The following BACE2 variants were observed in gnomAD, a reference collection of about 807,000 sequenced individuals.
BACE2 encodes the protein 56 kDa aspartic-like protease.
In BACE2, 17 loss-of-function variants were observed where a neutral mutation model predicts 46.2. The observed-to-expected ratio is 0.37, with a 90% CI of 0.25 to 0.55. BACE2 has a LOEUF of 0.55. Among genes scored for constraint, BACE2 ranks in the 20% least tolerant of loss-of-function variants. BACE2 has a pLI of 0.82. For missense variants in BACE2, 595 were observed against 698.1 expected (o/e 0.85, Z 1.66); for synonymous variants, 277 against 295.9 (o/e 0.94, Z 0.66).
chr21:41,179,419 G>A lies in BACE2; in HGVS notation c.312+10844G>A, dbSNP rs377629158. The A allele has an allele frequency of 2.9e-5, 38 of 1,325,346 alleles. No individual in the cohort carries two copies. The African/African-American group carries it at 5.5e-4, about 19-fold the overall frequency. The allele number at this position is 1,325,346 out of a possible 1,614,324, so 82.1% of individuals were successfully genotyped here. A position where few individuals can be genotyped will look rare whatever the true frequency, so the allele number is the denominator to read the frequency against. ...AGTGAGGGTGTCCAGGGTGAGTGAGGGTGTCAGGGTGAGTGAACGTGTCCA... is the reference window on the plus strand; with the variant it reads ...AGTGAGGGTGTCCAGGGTGAGTGAGAGTGTCAGGGTGAGTGAACGTGTCCA... On this transcript the variant is annotated intron_variant, in intron 1 of 8. Transcript: ENST00000330333.
chr21:41,251,362 G>T (rs1427233885), intron 7 of BACE2, among the ~76,000 whole-genome samples: 1 of 152,208 alleles, frequency 6.6e-6, no homozygotes, highest in African/African-American at 2.4e-5. Flanking sequence ...AGATTCCGAG[G>T]ATGAGGGAAA....
chr21:41,225,688 C>T (rs1311257085), intron 1 of BACE2: 2 of 152,486 alleles, frequency 1.3e-5, no homozygotes, highest in African/African-American at 2.4e-5. Context: ...CATGCCAAAA[C>T]TCACCAGGTG....
chr21:41,170,172 G>C (rs1984553404), intron 1 of BACE2, among the ~76,000 whole-genome samples: 1 of 150,456 alleles, frequency 6.6e-6, no homozygotes, highest in African/African-American at 2.5e-5. Flanking sequence ...AGGGGAAAGG[G>C]AGAAGCCTGA....
At chr21:41,212,026 G>A (rs1045840918) in intron 1 of BACE2, among the ~76,000 whole-genome samples, 3 of 152,360 alleles carry the variant, frequency 2.0e-5, no homozygotes, top group South Asian at 2.1e-4. Context: ...CTGTTTTCTT[G>A]TTTATTTCAT....
chr21:41,257,239 GTGAT>G lies in BACE2; in HGVS notation c.1217_1220del (p.Val406AlafsTer5). On this transcript the variant is annotated frameshift_variant, in exon 8 of 9. Coordinates refer to ENST00000330333, the MANE Select transcript of BACE2 (RefSeq NM_012105.5). LOFTEE classifies it high-confidence loss of function. ...CATTTCCCCATCCACAAATGCGCTGGTGATCGGTGCCACGGTGATGGAGGGCTTC... is the reference window on the plus strand; with the variant it reads ...CATTTCCCCATCCACAAATGCGCTGGCGGTGCCACGGTGATGGAGGGCTTC... The G allele has an allele frequency of 6.2e-7, 1 of 1,614,206 alleles. No individual in the cohort carries two copies. Among genetic ancestry groups the G allele is most frequent in the Non-Finnish European group, 8.5e-7 (1 of 1,180,040 alleles).
chr21:41,245,817 C>T, intron 5 of BACE2, 145 bp from the exon 6 acceptor site: 1 of 549,446 alleles, frequency 1.8e-6, no homozygotes, highest in Non-Finnish European at 3.2e-6. Context: ...GTTCTGAGAA[C>T]ATGAATGAAC....
chr21:41,233,925 C>A (rs1049342453), intron 2 of BACE2, among the ~76,000 whole-genome samples: 1 of 152,214 alleles, frequency 6.6e-6, no homozygotes, highest in African/African-American at 2.4e-5. Flanking sequence ...GGCAGCATTG[C>A]ACTCCAGCCT....
Position 41,276,011 on chromosome 21 carries a change from G to T in BACE2, c.*387G>T. 1 of 184,556 alleles carries T rather than the reference G, an allele frequency of 5.4e-6. No individual in the cohort carries two copies. The highest frequency in any genetic ancestry group is 1.2e-4 in the South Asian group (1 of 8,256). 11.4% of individuals were successfully genotyped at this position (184,556 alleles called of 1,614,324 possible). Reference sequence around the variant, plus strand: ...TACATATAGTTGATAACCCCTCTTAGCTTACAGGAAGCTTTTTGTATTAAT... The same window carrying T: ...TACATATAGTTGATAACCCCTCTTATCTTACAGGAAGCTTTTTGTATTAAT... On this transcript the variant is annotated 3_prime_UTR_variant, in exon 9 of 9. Coordinates refer to ENST00000330333, the MANE Select transcript of BACE2 (RefSeq NM_012105.5).
At chr21:41,184,954 C>T (rs1000340323) in intron 1 of BACE2, 3 of 166,992 alleles carry the variant, frequency 1.8e-5, no homozygotes, top group South Asian at 2.1e-4. Context: ...CAGATATATT[C>T]GTCATCTAAC....
At chr21:41,223,236 G>A (rs913266313) in intron 1 of BACE2, among the ~76,000 whole-genome samples, 3 of 151,838 alleles carry the variant, frequency 2.0e-5, no homozygotes, top group Non-Finnish European at 4.4e-5. Context: ...CACGCCTGTG[G>A]TCCCAGCTAC....
At chr21:41,214,578 T>C (rs1208517024) in intron 1 of BACE2, among the ~76,000 whole-genome samples, 1 of 152,260 alleles carries the variant, frequency 6.6e-6, no homozygotes, top group Non-Finnish European at 1.5e-5. Flanking sequence ...ATTTTCTGTA[T>C]AATTGGTAGG....
At chr21:41,205,591 G>T (rs1366751249) in intron 1 of BACE2, among the ~76,000 whole-genome samples, 4 of 152,174 alleles carry the variant, frequency 2.6e-5, no homozygotes, top group Non-Finnish European at 4.4e-5. Flanking sequence ...TACTTCTGTT[G>T]TGTCTTACAT....
In BACE2 at chr21:41,168,241, G is replaced by GC; in HGVS notation, c.-17dup. 4 of 1,140,086 alleles carry GC rather than the reference G, an allele frequency of 3.5e-6. No homozygotes were observed. Among genetic ancestry groups the GC allele is most frequent in the Non-Finnish European group, 4.3e-6 (4 of 929,170 alleles). The allele number at this position is 1,140,086 out of a possible 1,614,324, so 70.6% of individuals were successfully genotyped here. A position where few individuals can be genotyped will look rare whatever the true frequency, so the allele number is the denominator to read the frequency against. On this transcript the variant is annotated 5_prime_UTR_variant, in exon 1 of 9. Transcript: ENST00000330333. ...GGACGGGACCGGCTAGGCTGGGCGC[G>GC]CCCCCCGGGCCCCGCCGTGGGCATG...
At chr21:41,234,967 T>G (rs1987073914) in intron 2 of BACE2, among the ~76,000 whole-genome samples, 1 of 152,142 alleles carries the variant, frequency 6.6e-6, no homozygotes, top group African/African-American at 2.4e-5. Context: ...CACGGTGGAG[T>G]GAACCAAGAT....
At chr21:41,205,882 A>G (rs1456033942) in intron 1 of BACE2, among the ~76,000 whole-genome samples, 1 of 152,200 alleles carries the variant, frequency 6.6e-6, no homozygotes, top group Non-Finnish European at 1.5e-5. Flanking sequence ...GGCACATAGT[A>G]GCTGCTCACT....
intron 6 of BACE2, among the ~76,000 whole-genome samples, chr21:41,248,525 T>C (rs1987539943): frequency 6.6e-6 from 1 of 152,212 alleles, no homozygotes; most frequent in Admixed American, 6.5e-5. Flanking sequence ...AAAATGACCA[T>C]CCCACCTCTT....
intron 6 of BACE2, among the ~76,000 whole-genome samples, chr21:41,247,647 G>T (rs1216203830): frequency 6.6e-6 from 1 of 152,262 alleles, no homozygotes; most frequent in Non-Finnish European, 1.5e-5. Flanking sequence ...CCTGTGCCGT[G>T]AGAGGCGGGG....
intron 1 of BACE2, among the ~76,000 whole-genome samples, chr21:41,210,934 C>A (rs1419339969): frequency 1.3e-5 from 2 of 152,188 alleles, no homozygotes; most frequent in East Asian, 3.8e-4. Flanking sequence ...CGTAAAGCTC[C>A]TTCCCCAACC....
At position 41,219,792 on chromosome 21, in the gene BACE2, C is replaced by T. The variant is rs1416707648; in HGVS notation, c.313-6474C>T. On this transcript the variant is annotated intron_variant, in intron 1 of 8. Coordinates refer to ENST00000330333, the MANE Select transcript of BACE2 (RefSeq NM_012105.5). ...AACCACACACTGATTTCCCTCTGCT[C>T]TCACACCACAACGATCAACACAGAA... Among the ~76,000 whole-genome samples, 3 of 152,210 alleles carry T rather than the reference C, an allele frequency of 2.0e-5. No homozygotes were observed. In the East Asian group the frequency reaches 5.8e-4, roughly 29 times the overall value.
Sources: gnomAD v4.1 joint callset for allele counts (sites outside exome capture counted in the v4.1 genomes callset) on GRCh38, gnomAD v4.1.1 for gene constraint, MANE v1.5 for transcripts, NCBI Gene and HGNC (gene_info 2026-07-23, HGNC 2026-07-21) for gene names.